ZNF541: variants seen among roughly 807,000 people sequenced by gnomAD.
The protein encoded by ZNF541 is zinc finger protein 541.
A neutral mutation model predicts 123.5 loss-of-function variants in ZNF541; 23 were observed. That is an observed-to-expected ratio of 0.19 (90% CI 0.13 to 0.26). The LOEUF is 0.26. ZNF541 is among the 10% of genes least tolerant of loss of function. The pLI, the probability that ZNF541 is intolerant of heterozygous loss-of-function variation, is 1.00. For synonymous variants in ZNF541, 751 were observed against 754.5 expected, an observed-to-expected ratio of 1.00 and a Z score of 0.08; for missense variants, 1,612 against 1,789.9, an observed-to-expected ratio of 0.90 and a Z score of 1.79.
intron 12 of ZNF541, among the ~76,000 whole-genome samples, chr19:47,530,322 C>T (rs2122947612): frequency 6.7e-6 from 1 of 149,676 alleles, no homozygotes; most frequent in African/African-American, 2.5e-5. Context: ...GTATCTGCCA[C>T]CACTCCCTGC....
At chr19:47,531,824 A>G in intron 11 of ZNF541, 79 bp from the exon 12 acceptor site, 1 of 1,286,244 alleles carries the variant, frequency 7.8e-7, no homozygotes, top group Non-Finnish European at 1.1e-6. Flanking sequence ...CCCGAAAGAC[A>G]GCAGAGAGGG....
intron 5 of ZNF541, among the ~76,000 whole-genome samples, chr19:47,542,348 C>T (rs182418262): frequency 2.6e-5 from 4 of 152,240 alleles, no homozygotes; most frequent in East Asian, 1.9e-4. Flanking sequence ...AATTACCCAA[C>T]GCTACACTTT....
At position 47,522,151 on chromosome 19, in the gene ZNF541, A is replaced by G. The variant is rs1476079010; in HGVS notation, c.3571-157T>C. 3.3e-5 allele frequency among the ~76,000 whole-genome samples: 5 copies of G among 152,162 alleles called. No homozygotes were observed. In the East Asian group the frequency reaches 9.7e-4, roughly 29 times the overall value. On this transcript the variant is annotated intron_variant, in intron 14 of 16. Coordinates refer to ENST00000391901, the MANE Select transcript of ZNF541 (RefSeq NM_001277075.3). Reference sequence around the variant, plus strand: ...CACCACAAAGGCACAGGACCACAAAATCCTTCCTGGGGACGAGGGCGTTCA... The same window carrying G: ...CACCACAAAGGCACAGGACCACAAAGTCCTTCCTGGGGACGAGGGCGTTCA...
rs143804020 is a variant in ZNF541, at chr19:47,532,311, A to G, written c.3159-41T>C. The G allele has an allele frequency of 1.7e-5, 26 of 1,545,570 alleles. No homozygotes were observed. The African/African-American group carries it at 2.2e-4, about 13-fold the overall frequency. On this transcript the variant is annotated intron_variant, in intron 10 of 16. Transcript: ENST00000391901. ...ACACAGATAAGGGAGACGTACAAAC[A>G]TGACTGAGATGGGAAGTGAAATGGA...
chr19:47,545,789 C>T lies in ZNF541; in HGVS notation c.740G>A (p.Gly247Asp). 6.5e-7 allele frequency: 1 copy of T among 1,540,934 alleles called. No individual in the cohort carries two copies. The highest frequency in any genetic ancestry group is 1.2e-5 in the South Asian group (1 of 83,700). ...GDSPHAHESA[G>D]QPPPSSLRSL... ...CCGCAGGCTGCTGGGGGGCGGCTGG[C>T]CGGCCGACTCGTGGGCGTGGGGGGA... The change falls in exon 5 of 17, where the codon GGC becomes GAC. Residue 247 changes from glycine to aspartate, a missense_variant. Physicochemically the swap from Gly to Asp is moderately conservative, Grantham distance 94. Transcript: ENST00000391901. The surrounding 1 kb of genome is among the most constrained non-coding windows in gnomAD (Gnocchi z 7.5).
rs568874725 is a variant in ZNF541 at position 47,556,656 on chromosome 19, G to T, written c.-98-702C>A. On this transcript the variant is annotated intron_variant, in intron 2 of 16. Transcript: ENST00000391901. ...GCTGGCTTGAACTGAGACAGGCTGTGAGTGTAAAATACAACCTGGATTTGG... is the reference window on the plus strand; with the variant it reads ...GCTGGCTTGAACTGAGACAGGCTGTTAGTGTAAAATACAACCTGGATTTGG... Among the ~76,000 whole-genome samples, 10 of 152,070 alleles carry T rather than the reference G, an allele frequency of 6.6e-5. No individual in the cohort carries two copies. The South Asian group carries it at 2.1e-3, about 32-fold the overall frequency.
In ZNF541 at chr19:47,538,162, T is replaced by C. The variant is rs1969909266; in HGVS notation, c.3074A>G (p.Gln1025Arg). The change falls in exon 9 of 17, where the codon CAG (glutamine) becomes CGG (arginine). Residue 1025 changes from glutamine to arginine, a missense_variant. Physicochemically the swap from Gln to Arg is conservative, Grantham distance 43. Coordinates refer to ENST00000391901, the MANE Select transcript of ZNF541 (RefSeq NM_001277075.3). ...CSTSTQASPDQLISSMLDQVD... is the reference protein window; with the variant it reads ...CSTSTQASPDRLISSMLDQVD... ...CTCACCGAGCATGGAGCTGATGAGC[T>C]GGTCAGGGCTGGCCTGAGTGGACGT... is the stretch of plus-strand genomic sequence containing the variant. 6.4e-7 allele frequency: 1 copy of C among 1,550,924 alleles called. No homozygotes were observed. Among genetic ancestry groups the C allele is most frequent in the Non-Finnish European group, 8.7e-7 (1 of 1,146,944 alleles).
chr19:47,526,866 G>A (rs541748165), intron 14 of ZNF541, among the ~76,000 whole-genome samples: 311 of 152,296 alleles, frequency 2.0e-3, no homozygotes, highest in African/African-American at 7.2e-3. Context: ...TCCATACCAA[G>A]ACTGGTACCT....
chr19:47,559,823 C>T (rs1239045456), intron 2 of ZNF541, among the ~76,000 whole-genome samples: 2 of 146,460 alleles, frequency 1.4e-5, no homozygotes, highest in African/African-American at 2.5e-5. Context: ...GCACTCCAGC[C>T]TGGGTGACAG....
intron 4 of ZNF541, 46 bp downstream of exon 4, chr19:47,549,199 C>T: frequency 6.5e-7 from 1 of 1,547,788 alleles, no homozygotes; most frequent in Middle Eastern, 1.9e-4. Flanking sequence ...CATGTCCCCA[C>T]CCCCAGCCCC....
chr19:47,532,303 G>T, intron 10 of ZNF541, 33 bp from the exon 11 acceptor site: 2 of 1,548,118 alleles, frequency 1.3e-6, no homozygotes, highest in Non-Finnish European at 1.7e-6. Flanking sequence ...TAAGGGAGAC[G>T]TACAAACATG....
intron 14 of ZNF541, among the ~76,000 whole-genome samples, chr19:47,527,794 G>C (rs1404805245): frequency 6.7e-6 from 1 of 149,810 alleles, no homozygotes; most frequent in Non-Finnish European, 1.5e-5. Context: ...CCGCTTCCCG[G>C]GTTCAAGCGA....
chr19:47,563,846 T>G (rs1438915669), intron 2 of ZNF541, among the ~76,000 whole-genome samples: 1 of 152,066 alleles, frequency 6.6e-6, no homozygotes, highest in Non-Finnish European at 1.5e-5. Flanking sequence ...CCTCAGGTGA[T>G]CCACCCGCCT....
chr19:47,555,482 A>G (rs1222867110), intron 3 of ZNF541, 68 bp downstream of exon 3: 10 of 1,431,210 alleles, frequency 7.0e-6, no homozygotes, highest in Non-Finnish European at 9.2e-6. Flanking sequence ...ATGCAGAATC[A>G]GTCCCTAGCT....
intron 1 of ZNF541, among the ~76,000 whole-genome samples, chr19:47,572,549 T>C (rs2123462457): frequency 6.6e-6 from 1 of 150,528 alleles, no homozygotes; most frequent in East Asian, 2.0e-4. Flanking sequence ...GAGGGGCATG[T>C]CAAGGAAAGG....
In ZNF541 at chr19:47,521,781, C is replaced by T; in HGVS notation, c.3711+73G>A. 2.0e-6 allele frequency: 3 copies of T among 1,531,526 alleles called. No individual in the cohort carries two copies. In the South Asian group the frequency reaches 3.7e-5, roughly 19 times the overall value. 94.9% of individuals were successfully genotyped at this position (1,531,526 alleles called of 1,614,324 possible). A position where few individuals can be genotyped will look rare whatever the true frequency, so the allele number is the denominator to read the frequency against. ...TCAGGAGCACCCCCGCCCTCTGACC[C>T]CACCGTCCAACTCAACGGGTAGCAG... On this transcript the variant is annotated intron_variant, in intron 15 of 16. Transcript: ENST00000391901. The surrounding 1 kb of genome is among the most constrained non-coding windows in gnomAD (Gnocchi z 4.2).
At chr19:47,555,324 C>A (rs1165106462) in intron 3 of ZNF541, among the ~76,000 whole-genome samples, 1 of 149,372 alleles carries the variant, frequency 6.7e-6, no homozygotes, top group Admixed American at 6.7e-5. Flanking sequence ...GAGCTGAGAT[C>A]GCGCCACTGC....
intron 2 of ZNF541, among the ~76,000 whole-genome samples, chr19:47,559,718 T>C (rs1422296327): frequency 2.0e-5 from 3 of 151,862 alleles, no homozygotes; most frequent in African/African-American, 7.3e-5. Flanking sequence ...GGTGTGGTAG[T>C]GCACGCCTGT....
In ZNF541 at chr19:47,551,908, A is replaced by G. The variant is rs1970616135; in HGVS notation, c.308-2423T>C. ...AGTCTCACTCAGTCACCCACGCTGG[A>G]GTGCAATGGCGCCATCTTGGCTCAC... On this transcript the variant is annotated intron_variant, in intron 3 of 16. Transcript: ENST00000391901. Among the ~76,000 whole-genome samples the G allele has an allele frequency of 2.6e-5, 4 of 152,134 alleles. No individual in the cohort carries two copies. The South Asian group carries it at 8.3e-4, about 31-fold the overall frequency.
Sources: allele counts gnomAD v4.1 joint callset (sites outside exome capture counted in the v4.1 genomes callset), GRCh38; gene constraint gnomAD v4.1.1; non-coding constraint Gnocchi (gnomAD v3.1); transcripts MANE v1.5; gene names NCBI Gene and HGNC (gene_info 2026-07-23, HGNC 2026-07-21).